Variants in PANK1 observed in about 807,000 individuals in gnomAD.
PANK1 encodes pantothenate kinase 1.
PANK1 carries 18 observed loss-of-function variants against 40.1 expected under a neutral mutation model. That is an observed-to-expected ratio of 0.45 (90% CI 0.31 to 0.67). The LOEUF (loss-of-function observed/expected upper bound fraction) is 0.67. PANK1 is among the 30% of genes least tolerant of loss of function. The pLI is 0.06. For missense variants in PANK1, 457 were observed against 599.6 expected (o/e 0.76, Z 2.48); for synonymous variants, 242 against 237.7 (o/e 1.02, Z -0.17).
At chr10:89,597,116 G>T (rs1335555238) in intron 3 of PANK1, among the ~76,000 whole-genome samples, 4 of 152,092 alleles carry the variant, frequency 2.6e-5, no homozygotes, top group African/African-American at 9.7e-5. Flanking sequence ...AATACAATAA[G>T]AAAAAACCTG....
chr10:89,644,764 G>A lies in PANK1; in HGVS notation c.128C>T (p.Pro43Leu), dbSNP rs894601833. 6 of 1,509,358 alleles carry A rather than the reference G, an allele frequency of 4.0e-6. No individual in the cohort carries two copies. Among genetic ancestry groups the A allele is most frequent in the Non-Finnish European group, 5.3e-6 (6 of 1,135,736 alleles). The allele number at this position is 1,509,358 out of a possible 1,614,324, so 93.5% of individuals were successfully genotyped here. A position where few individuals can be genotyped will look rare whatever the true frequency, so the allele number is the denominator to read the frequency against. Residue 43 changes from proline (P) to leucine (L), a missense_variant, in exon 1 of 7, where the codon CCG (proline) becomes CTG (leucine). This residue lies in a region of PANK1 where 144 missense variants were observed against 131.2 expected (regional missense o/e 1.10). Coordinates refer to ENST00000307534, the MANE Select transcript of PANK1 (RefSeq NM_148977.3). Reference protein sequence around the residue: ...NGFHPPPVQPPHVCSRGPVGG... With the variant: ...NGFHPPPVQPLHVCSRGPVGG... ...CACTGGACCCCGGCTGCAGACGTGCGGCGGCTGGACTGGCGGCGGATGGAA... is the reference window on the plus strand; with the variant it reads ...CACTGGACCCCGGCTGCAGACGTGCAGCGGCTGGACTGGCGGCGGATGGAA...
In PANK1 at chr10:89,644,786, G is replaced by C; in HGVS notation, c.106C>G (p.His36Asp). The change falls in exon 1 of 7, where the codon CAT becomes GAT. Residue 36 changes from histidine to aspartate, a missense_variant. Physicochemically the swap from His to Asp is moderately conservative, Grantham distance 81. Around this residue, in one of 4 missense-constraint regions of PANK1, gnomAD observed 144 missense variants for 131.2 expected, o/e 1.10. Coordinates refer to ENST00000307534, the MANE Select transcript of PANK1 (RefSeq NM_148977.3). ...TGCGGCGGCTGGACTGGCGGCGGAT[G>C]GAAGCCGTTGTGCAGCAGCCCGTTC... is the stretch of plus-strand genomic sequence containing the variant. ...AVNGLLHNGFHPPPVQPPHVC... is the reference protein window; with the variant it reads ...AVNGLLHNGFDPPPVQPPHVC... The C allele has an allele frequency of 3.3e-6, 5 of 1,494,238 alleles. No homozygotes were observed. Among genetic ancestry groups the C allele is most frequent in the Non-Finnish European group, 4.4e-6 (5 of 1,129,126 alleles). 92.6% of individuals were successfully genotyped at this position (1,494,238 alleles called of 1,614,324 possible).
chr10:89,634,948 T>C (rs1424970329), intron 1 of PANK1, among the ~76,000 whole-genome samples: 2 of 152,104 alleles, frequency 1.3e-5, no homozygotes, highest in African/African-American at 2.4e-5. Context: ...GAAGCTTCCA[T>C]TGAGGAGGTG....
chr10:89,636,049 G>T (rs903031200), intron 1 of PANK1, among the ~76,000 whole-genome samples: 2 of 152,204 alleles, frequency 1.3e-5, no homozygotes, highest in Non-Finnish European at 2.9e-5. Flanking sequence ...CTCACAGGTT[G>T]GTGTCAGGTG....
At chr10:89,637,579 G>A (rs541407182) in intron 1 of PANK1, among the ~76,000 whole-genome samples, 35 of 152,286 alleles carry the variant, frequency 2.3e-4, no homozygotes, top group Admixed American at 1.2e-3. Context: ...AAGACAAAAC[G>A]TGGCATACCT....
Position 89,631,754 on chromosome 10 carries a change from C to T in PANK1, c.292+12846G>A, listed in dbSNP as rs1294561299. 3.3e-5 allele frequency among the ~76,000 whole-genome samples: 5 copies of T among 152,104 alleles called. No individual in the cohort carries two copies. In the East Asian group the frequency reaches 9.6e-4, roughly 29 times the overall value. On this transcript the variant is annotated intron_variant, in intron 1 of 6. Coordinates refer to ENST00000307534, the MANE Select transcript of PANK1 (RefSeq NM_148977.3). ...CATGAAGAAATGGTAAAAAATTAAT[C>T]ATAAACAAACAATAACAGGTATGGG...
intron 2 of PANK1, among the ~76,000 whole-genome samples, chr10:89,610,826 T>A (rs529133417): frequency 3.9e-5 from 6 of 152,228 alleles, no homozygotes; most frequent in Non-Finnish European, 7.3e-5. Flanking sequence ...CCATGTTCAA[T>A]CACTTTTGTT....
chr10:89,626,155 C>CAT (rs1384639885), intron 1 of PANK1: 1 of 152,198 alleles, frequency 6.6e-6, no homozygotes, highest in Non-Finnish European at 1.5e-5. Flanking sequence ...GTTAAGTTCT[C>CAT]ACGCTGTGCA....
chr10:89,629,277 T>A (rs964328877), intron 1 of PANK1, among the ~76,000 whole-genome samples: 3 of 152,178 alleles, frequency 2.0e-5, no homozygotes, highest in African/African-American at 7.2e-5. Context: ...ATCACTGGCA[T>A]CCCCTGAGGT....
At position 89,588,729 on chromosome 10, in the gene PANK1, C is replaced by T. The variant is rs1844278890; in HGVS notation, c.1249G>A (p.Val417Ile). The change falls in exon 6 of 7, where the codon GTC becomes ATC. Residue 417 changes from valine (V) to isoleucine (I), a missense_variant. Transcript: ENST00000307534. ...FVGNFLRINM[V>I]SMKLLAYAMD... is the part of the protein sequence containing the mutation. ...GCATATGCCAGCAGCTTCATGGAGA[C>T]CATATTGATTCTGAGAAAATTTCCA... 1 of 1,603,658 alleles carries T rather than the reference C, an allele frequency of 6.2e-7. No individual in the cohort carries two copies. The highest frequency in any genetic ancestry group is 1.3e-5 in the African/African-American group (1 of 74,584).
Position 89,633,189 on chromosome 10 carries a change from T to C in PANK1, c.292+11411A>G, listed in dbSNP as rs562281242. Among the ~76,000 whole-genome samples the C allele has an allele frequency of 9.9e-5, 15 of 152,216 alleles. No homozygotes were observed. In the East Asian group the frequency reaches 2.5e-3, roughly 25 times the overall value. The stretch of plus-strand genomic sequence containing the variant: ...TTTCAAGTTATCAGCATAAGGATAC[T>C]GAAATGCAGAGTTGGGAAGTCATGT... On this transcript the variant is annotated intron_variant, in intron 1 of 6. Transcript: ENST00000307534.
Position 89,619,623 on chromosome 10 carries a change from C to T in PANK1, c.293-7575G>A, listed in dbSNP as rs1487455397. On this transcript the variant is annotated intron_variant, in intron 1 of 6. Coordinates refer to ENST00000307534, the MANE Select transcript of PANK1 (RefSeq NM_148977.3). Reference sequence around the variant, plus strand: ...GTCTTCCTGAATGTAAATCAGGCACCCAAGGGCTCAAGATGAGCTTCTGTG... The same window carrying T: ...GTCTTCCTGAATGTAAATCAGGCACTCAAGGGCTCAAGATGAGCTTCTGTG... Among the ~76,000 whole-genome samples, 4 of 152,154 alleles carry T rather than the reference C, an allele frequency of 2.6e-5. No individual in the cohort carries two copies. The East Asian group carries it at 7.7e-4, about 29-fold the overall frequency.
chr10:89,644,678 G>A lies in PANK1; in HGVS notation c.214C>T (p.Leu72=), dbSNP rs779814316. Residue 72 remains leucine (L), a synonymous_variant, in exon 1 of 7, where the codon CTG becomes TTG. Transcript: ENST00000307534. The part of the protein sequence containing the change: ...PLLPELQPQP[L]LPQHDSPAKK... ...GCCGGGGAGTCATGCTGAGGGAGCAGTGGCTGCGGCTGCAGCTCCGGCAGG... is the reference window on the plus strand; with the variant it reads ...GCCGGGGAGTCATGCTGAGGGAGCAATGGCTGCGGCTGCAGCTCCGGCAGG... 3 of 1,562,490 alleles carry A rather than the reference G, an allele frequency of 1.9e-6. No individual in the cohort carries two copies. Among genetic ancestry groups the A allele is most frequent in the South Asian group, 1.2e-5 (1 of 85,774 alleles).
chr10:89,589,815 T>C (rs950562500), intron 5 of PANK1, among the ~76,000 whole-genome samples: 1 of 144,974 alleles, frequency 6.9e-6, no homozygotes, highest in Admixed American at 6.8e-5. Context: ...AACTAAGAGG[T>C]AGCAAGGAAC....
intron 1 of PANK1, chr10:89,626,370 T>A (rs997097373): frequency 5.3e-5 from 8 of 151,152 alleles, no homozygotes; most frequent in Non-Finnish European, 1.0e-4. Flanking sequence ...AGCTGCGTGA[T>A]CTCGGCTCAC....
At chr10:89,624,910 T>G (rs998153284) in intron 1 of PANK1, among the ~76,000 whole-genome samples, 1 of 152,214 alleles carries the variant, frequency 6.6e-6, no homozygotes, top group Admixed American at 6.5e-5. Flanking sequence ...TACATTTCTT[T>G]GTTTTCTTGA....
At chr10:89,608,290 C>CA (rs1845039119) in intron 2 of PANK1, among the ~76,000 whole-genome samples, 1 of 152,032 alleles carries the variant, frequency 6.6e-6, no homozygotes, top group African/African-American at 2.4e-5. Flanking sequence ...CTCGGCCCCC[C>CA]AAAGTGCTGG....
chr10:89,607,779 C>A (rs1427698720), intron 2 of PANK1, among the ~76,000 whole-genome samples: 1 of 152,092 alleles, frequency 6.6e-6, no homozygotes. Flanking sequence ...TAAAACAAAA[C>A]CCACAGAATA....
intron 1 of PANK1, among the ~76,000 whole-genome samples, chr10:89,636,737 C>T (rs1841829324): frequency 6.6e-6 from 1 of 151,412 alleles, no homozygotes; most frequent in Non-Finnish European, 1.5e-5. Context: ...AGGCATGAGC[C>T]ACCGCACCCA....
Sources: allele counts gnomAD v4.1 joint callset (sites outside exome capture counted in the v4.1 genomes callset), GRCh38; gene constraint gnomAD v4.1.1; regional missense constraint gnomAD v4.1.1; transcripts MANE v1.5; gene names NCBI Gene and HGNC (gene_info 2026-07-23, HGNC 2026-07-21).